Variants in NEBL observed in about 807,000 individuals in gnomAD.
NEBL encodes nebulette.
NEBL carries 122 observed loss-of-function variants against 140.2 expected under a neutral mutation model. That is an observed-to-expected ratio of 0.87 (90% CI 0.75 to 1.01). The LOEUF (loss-of-function observed/expected upper bound fraction) is 1.01. NEBL is among the 50% of genes least tolerant of loss of function. The pLI is 0.00. For synonymous variants in NEBL, 436 were observed against 398.9 expected (o/e 1.09, Z -1.11); for missense variants, 1,365 against 1,231.3 (o/e 1.11, Z -1.62).
chr10:21,237,406 T>C (rs1214732379), intron 3 of NEBL, among the ~76,000 whole-genome samples: 1 of 152,106 alleles, frequency 6.6e-6, no homozygotes, highest in Non-Finnish European at 1.5e-5. Context: ...GGTTTCACCG[T>C]GTTGGCCAGG....
chr10:20,781,728 C>T lies in NEBL; in HGVS notation c.*4019G>A, dbSNP rs78806491. ...ATAACCACAGAAGCAACATACAATGCCTTGACTTTTTTGATCAACAGTTGA... is the reference window on the plus strand; with the variant it reads ...ATAACCACAGAAGCAACATACAATGTCTTGACTTTTTTGATCAACAGTTGA... On this transcript the variant is annotated 3_prime_UTR_variant, in exon 28 of 28. Coordinates refer to ENST00000377122, the MANE Select transcript of NEBL (RefSeq NM_006393.3). 0.035 allele frequency: 5,383 copies of T among 152,620 alleles called. 193 individuals are homozygous for T. Among genetic ancestry groups the T allele is most frequent in the East Asian group, 0.14 (734 of 5,174 alleles). 9.5% of individuals were successfully genotyped at this position (152,620 alleles called of 1,614,324 possible).
intron 3 of NEBL, among the ~76,000 whole-genome samples, chr10:20,996,338 A>G (rs1336671458): frequency 6.6e-6 from 1 of 152,226 alleles, no homozygotes; most frequent in East Asian, 1.9e-4. Context: ...AAATGTAAGA[A>G]TAACAGCTGT....
intron 3 of NEBL, among the ~76,000 whole-genome samples, chr10:21,183,529 GA>G (rs1321661973): frequency 6.6e-6 from 1 of 152,108 alleles, no homozygotes; most frequent in Non-Finnish European, 1.5e-5. Context: ...CAAAAACCAA[GA>G]GTCTGGAAAA....
intron 2 of NEBL, among the ~76,000 whole-genome samples, chr10:21,100,380 A>G (rs1837422329): frequency 6.6e-6 from 1 of 152,226 alleles, no homozygotes; most frequent in Admixed American, 6.5e-5. Flanking sequence ...GCTCACTCGC[A>G]AACTCTGCTC....
At chr10:20,939,763 T>A (rs1310091885) in intron 4 of NEBL, among the ~76,000 whole-genome samples, 7 of 151,914 alleles carry the variant, frequency 4.6e-5, no homozygotes, top group South Asian at 2.1e-4. Context: ...ATGGAAAATA[T>A]AAAAAGGCAG....
At chr10:21,156,421 G>A (rs1163920397) in intron 2 of NEBL, among the ~76,000 whole-genome samples, 2 of 152,150 alleles carry the variant, frequency 1.3e-5, no homozygotes, top group East Asian at 3.8e-4. Flanking sequence ...AAAGTCAGGA[G>A]CAAACATGGA....
chr10:21,033,183 C>T (rs73607578), intron 2 of NEBL, among the ~76,000 whole-genome samples: 2,765 of 152,218 alleles, frequency 0.018, 90 homozygotes, highest in African/African-American at 0.063. Flanking sequence ...CTGTTGATTA[C>T]AGCCAAGAGA....
intron 2 of NEBL, among the ~76,000 whole-genome samples, chr10:21,048,948 T>C (rs1589173793): frequency 6.6e-6 from 1 of 152,260 alleles, no homozygotes; most frequent in East Asian, 1.9e-4. Context: ...AGGTGGAGGT[T>C]GCAGTGAGCC....
chr10:21,212,871 G>A (rs926018092), intron 3 of NEBL, among the ~76,000 whole-genome samples: 1 of 152,130 alleles, frequency 6.6e-6, no homozygotes, highest in Non-Finnish European at 1.5e-5. Context: ...ACTCGATTCA[G>A]TCAAAAATTG....
chr10:21,086,283 T>A (rs1836625729), intron 2 of NEBL, among the ~76,000 whole-genome samples: 1 of 152,208 alleles, frequency 6.6e-6, no homozygotes, highest in South Asian at 2.1e-4. Context: ...ACGATTTGTG[T>A]AAGGAGAAAT....
rs528555345 is a variant in NEBL, at chr10:21,260,460, T to C, written n.183-8632A>G. Among the ~76,000 whole-genome samples, 183 of 151,012 alleles carry C rather than the reference T, an allele frequency of 1.2e-3. 2 individuals are homozygous for C. The South Asian group carries it at 0.019, about 16-fold the overall frequency. On this transcript the variant is annotated intron_variant and non_coding_transcript_variant, in intron 1 of 8. Transcript: ENST00000675702. ...AAACATTGACTTTTAATTTAGATAA[T>C]TTCCTCTTTTTCTTTTTGCCTTGCC...
chr10:21,070,860 C>T (rs543125023), intron 2 of NEBL, among the ~76,000 whole-genome samples: 1 of 152,116 alleles, frequency 6.6e-6, no homozygotes, highest in Non-Finnish European at 1.5e-5. Context: ...TTTTATTGTA[C>T]ACATGAACAA....
chr10:20,860,683 T>C (rs1313905170), intron 7 of NEBL, among the ~76,000 whole-genome samples: 1 of 151,916 alleles, frequency 6.6e-6, no homozygotes, highest in African/African-American at 2.4e-5. Context: ...TGTTCTCTCA[T>C]AATATTTTTC....
chr10:20,842,771 C>T (rs906186114), intron 12 of NEBL, among the ~76,000 whole-genome samples: 1 of 151,906 alleles, frequency 6.6e-6, no homozygotes. Context: ...TTTTGAAGTG[C>T]ACTATATACT....
At chr10:21,113,201 A>G in intron 2 of NEBL, 1 of 327,188 alleles carries the variant, frequency 3.1e-6, no homozygotes, top group South Asian at 2.9e-5. Context: ...AATCTATATG[A>G]GATGCTCCAG....
intron 4 of NEBL, among the ~76,000 whole-genome samples, chr10:20,936,889 T>C (rs1834519718): frequency 6.6e-6 from 1 of 152,192 alleles, no homozygotes; most frequent in African/African-American, 2.4e-5. Context: ...CTAGCTCATA[T>C]CACATACTCT....
intron 2 of NEBL, among the ~76,000 whole-genome samples, chr10:21,161,233 T>C (rs1287217404): frequency 6.6e-6 from 1 of 152,186 alleles, no homozygotes; most frequent in Non-Finnish European, 1.5e-5. Flanking sequence ...GGTCTTGCTA[T>C]GTTGCCCAGG....
At chr10:21,245,335 A>G (rs1235057140) in intron 3 of NEBL, among the ~76,000 whole-genome samples, 1 of 152,230 alleles carries the variant, frequency 6.6e-6, no homozygotes, top group Non-Finnish European at 1.5e-5. Flanking sequence ...CAGTTCAGAC[A>G]AGGTGCATGT....
At chr10:21,261,014 T>C (rs1842732039) in intron 1 of NEBL, among the ~76,000 whole-genome samples, 2 of 152,186 alleles carry the variant, frequency 1.3e-5, no homozygotes, top group African/African-American at 4.8e-5. Flanking sequence ...GGATCGTGGA[T>C]GGCAAGGCAT....
Sources: allele counts gnomAD v4.1 joint callset (sites outside exome capture counted in the v4.1 genomes callset), GRCh38; gene constraint gnomAD v4.1.1; transcripts MANE v1.5; gene names NCBI Gene and HGNC (gene_info 2026-07-23, HGNC 2026-07-21).